The following GALNTL6 variants were observed in gnomAD, a reference collection of about 807,000 sequenced individuals.
GALNTL6 encodes polypeptide N-acetylgalactosaminyltransferase like 6, also known as polypeptide N-acetylgalactosaminyltransferase-like 6.
A neutral mutation model predicts 73.7 loss-of-function variants in GALNTL6; 46 were observed. The observed-to-expected ratio is 0.62, with a 90% confidence interval of 0.49 to 0.80. The LOEUF is 0.80. Ranked by LOEUF, GALNTL6 falls within the 30% of genes least tolerant of loss-of-function variation. GALNTL6 has a pLI of 0.00. For synonymous variants in GALNTL6, 259 were observed against 263.7 expected (o/e 0.98, Z 0.17); for missense variants, 604 against 755.0 (o/e 0.80, Z 2.34).
chr4:171,959,080 T>C (rs1025693349), intron 2 of GALNTL6, among the ~76,000 whole-genome samples: 5 of 152,298 alleles, frequency 3.3e-5, no homozygotes, highest in Middle Eastern at 3.4e-3. Flanking sequence ...TGTGTTCAAC[T>C]TAGTAAGTAA....
intron 5 of GALNTL6, among the ~76,000 whole-genome samples, chr4:172,757,709 A>G (rs1314872239): frequency 6.6e-6 from 1 of 152,250 alleles, no homozygotes; most frequent in Non-Finnish European, 1.5e-5. Context: ...AATATGAGAA[A>G]CATTCCATAA....
chr4:172,406,430 C>T (rs1417897512), intron 5 of GALNTL6, among the ~76,000 whole-genome samples: 1 of 151,574 alleles, frequency 6.6e-6, no homozygotes, highest in Non-Finnish European at 1.5e-5. Context: ...TTAAATAATA[C>T]ATATATATAT....
intron 5 of GALNTL6, among the ~76,000 whole-genome samples, chr4:172,786,120 C>G (rs974254528): frequency 6.7e-6 from 1 of 150,200 alleles, no homozygotes; most frequent in African/African-American, 2.5e-5. Flanking sequence ...ACGAGAGACA[C>G]TAATGAAAAA....
At chr4:172,125,320 G>T (rs1296113329) in intron 2 of GALNTL6, among the ~76,000 whole-genome samples, 1 of 152,142 alleles carries the variant, frequency 6.6e-6, no homozygotes, top group Non-Finnish European at 1.5e-5. Context: ...GGCACAAATA[G>T]AAACTGTAAA....
intron 5 of GALNTL6, among the ~76,000 whole-genome samples, chr4:172,748,275 G>T (rs971110511): frequency 6.6e-6 from 1 of 152,022 alleles, no homozygotes; most frequent in Admixed American, 6.6e-5. Flanking sequence ...TGGGCAGGAG[G>T]CCATTCCATC....
chr4:172,916,222 A>T (rs1381141286), intron 8 of GALNTL6, among the ~76,000 whole-genome samples: 2 of 152,188 alleles, frequency 1.3e-5, no homozygotes, highest in Non-Finnish European at 1.5e-5. Flanking sequence ...ACACTCAATA[A>T]ACTAGGTATT....
chr4:172,945,579 C>T (rs1489342625), intron 9 of GALNTL6, among the ~76,000 whole-genome samples: 4 of 152,074 alleles, frequency 2.6e-5, no homozygotes, highest in Non-Finnish European at 5.9e-5. Flanking sequence ...ATAAACACCA[C>T]CATAGATATC....
chr4:172,917,532 G>T (rs935426312), intron 8 of GALNTL6, among the ~76,000 whole-genome samples: 1 of 152,052 alleles, frequency 6.6e-6, no homozygotes, highest in African/African-American at 2.4e-5. Flanking sequence ...AATCTGCAAA[G>T]AACTCAAACA....
At chr4:171,988,173 G>T (rs1042124521) in intron 2 of GALNTL6, among the ~76,000 whole-genome samples, 5 of 152,202 alleles carry the variant, frequency 3.3e-5, no homozygotes, top group Admixed American at 6.5e-5. Context: ...GGACAGAAAG[G>T]CTACAGGGTG....
intron 7 of GALNTL6, among the ~76,000 whole-genome samples, chr4:172,850,415 A>G (rs988732131): frequency 2.6e-5 from 4 of 152,186 alleles, no homozygotes; most frequent in Non-Finnish European, 4.4e-5. Flanking sequence ...ATATAGGGTA[A>G]TAACTTTTCT....
chr4:172,331,850 A>G (rs10011873), intron 4 of GALNTL6, among the ~76,000 whole-genome samples: 2,783 of 152,292 alleles, frequency 0.018, 90 homozygotes, highest in African/African-American at 0.063. Flanking sequence ...AAGAATGCTA[A>G]TGTCTCTCCA....
chr4:171,974,342 C>G (rs568803118), intron 2 of GALNTL6, among the ~76,000 whole-genome samples: 2 of 152,088 alleles, frequency 1.3e-5, no homozygotes, highest in East Asian at 3.8e-4. Flanking sequence ...TCAGGCCCAC[C>G]ATAGCAGCTG....
At chr4:172,413,913 T>C (rs1744532501) in intron 5 of GALNTL6, among the ~76,000 whole-genome samples, 1 of 152,166 alleles carries the variant, frequency 6.6e-6, no homozygotes, top group Admixed American at 6.6e-5. Flanking sequence ...TGTCTTTCAC[T>C]GCCTGCATAG....
chr4:172,636,168 A>T (rs1739668506), intron 5 of GALNTL6, among the ~76,000 whole-genome samples: 1 of 152,314 alleles, frequency 6.6e-6, no homozygotes, highest in Non-Finnish European at 1.5e-5. Context: ...ATTCACTATT[A>T]TAGAAATTAC....
intron 2 of GALNTL6, among the ~76,000 whole-genome samples, chr4:172,051,752 C>T (rs1024264394): frequency 6.6e-6 from 1 of 152,144 alleles, no homozygotes; most frequent in Admixed American, 6.5e-5. Context: ...AATAGGAATG[C>T]CTGTTCCCAC....
chr4:172,023,714 T>A (rs73870127), intron 2 of GALNTL6, among the ~76,000 whole-genome samples: 2,523 of 151,978 alleles, frequency 0.017, 71 homozygotes, highest in African/African-American at 0.058. Flanking sequence ...GAGTCTCACA[T>A]GCAACAAAAA....
At chr4:172,143,251 A>C (rs1733846564) in intron 2 of GALNTL6, among the ~76,000 whole-genome samples, 1 of 151,652 alleles carries the variant, frequency 6.6e-6, no homozygotes, top group South Asian at 2.1e-4. Context: ...ACTTAAGTTT[A>C]TCTCTTATAA....
chr4:172,462,315 T>C (rs1274307862), intron 5 of GALNTL6, among the ~76,000 whole-genome samples: 1 of 152,190 alleles, frequency 6.6e-6, no homozygotes, highest in African/African-American at 2.4e-5. Flanking sequence ...CTGTAGGTAA[T>C]CCTGACTAAT....
intron 2 of GALNTL6, among the ~76,000 whole-genome samples, chr4:172,177,794 TATATA>T (rs1302790712): frequency 3.7e-5 from 5 of 136,640 alleles, no homozygotes; most frequent in Non-Finnish European, 6.0e-5. Flanking sequence ...CATGTGTATA[TATATA>T]CACACACATA....
Sources: gnomAD v4.1 joint callset for allele counts (sites outside exome capture counted in the v4.1 genomes callset) on GRCh38, gnomAD v4.1.1 for gene constraint, MANE v1.5 for transcripts, NCBI Gene and HGNC (gene_info 2026-07-23, HGNC 2026-07-21) for gene names.